ARMH4: variants seen among roughly 807,000 people sequenced by gnomAD.
ARMH4 encodes the protein armadillo like helical domain containing 4.
ARMH4 carries 49 observed loss-of-function variants against 61.9 expected under a neutral mutation model. The ratio of observed to expected loss-of-function variants is 0.79; its 90% CI spans 0.63 to 1.00. The LOEUF is 1.00. ARMH4 is among the 50% of genes least tolerant of loss of function. The pLI is 0.00. For synonymous variants in ARMH4, 368 were observed against 341.5 expected, an observed-to-expected ratio of 1.08 and a Z score of -0.85; for missense variants, 934 against 930.0, an observed-to-expected ratio of 1.00 and a Z score of -0.06.
At chr14:58,107,187 C>A (rs1886190403) in intron 4 of ARMH4, among the ~76,000 whole-genome samples, 2 of 152,166 alleles carry the variant, frequency 1.3e-5, no homozygotes, top group Non-Finnish European at 2.9e-5. Context: ...CACTTCCAGG[C>A]TGTTACTAAT....
intron 6 of ARMH4, among the ~76,000 whole-genome samples, chr14:58,010,669 T>C (rs906805489): frequency 2.6e-5 from 4 of 152,032 alleles, no homozygotes; most frequent in Non-Finnish European, 4.4e-5. Flanking sequence ...ACCAAGATTT[T>C]GAGACAAGAT....
At chr14:58,029,315 C>A (rs1337742360) in intron 5 of ARMH4, among the ~76,000 whole-genome samples, 1 of 151,054 alleles carries the variant, frequency 6.6e-6, no homozygotes. Flanking sequence ...CTCACCACAA[C>A]CTCCGCCCCC....
In ARMH4 at chr14:58,139,080, G is replaced by T; in HGVS notation, c.279C>A (p.Asn93Lys). 6.2e-7 allele frequency: 1 copy of T among 1,614,208 alleles called. No homozygotes were observed. Among genetic ancestry groups the T allele is most frequent in the South Asian group, 1.1e-5 (1 of 91,088 alleles). Reference sequence around the variant, plus strand: ...CAGCTTGTCCAGGCTGGGTTTCTTTGTTAATCGAGAATGCTTTATTTAATG... The same window carrying T: ...CAGCTTGTCCAGGCTGGGTTTCTTTTTTAATCGAGAATGCTTTATTTAATG... ...ATSLNKAFSI[N>K]KETQPGQAGL... Residue 93 changes from asparagine to lysine, a missense_variant, in exon 2 of 8, where the codon AAC becomes AAA. Physicochemically the swap from Asn to Lys is moderately conservative, Grantham distance 94 (BLOSUM62 0). Transcript: ENST00000267485.
intron 5 of ARMH4, among the ~76,000 whole-genome samples, chr14:58,042,829 A>C (rs1883775771): frequency 6.6e-6 from 1 of 152,236 alleles, no homozygotes; most frequent in Admixed American, 6.5e-5. Context: ...CTACACAAAT[A>C]AACTAGAAAA....
At chr14:58,092,864 G>A (rs1309576918) in intron 5 of ARMH4, among the ~76,000 whole-genome samples, 6 of 150,190 alleles carry the variant, frequency 4.0e-5, no homozygotes, top group African/African-American at 1.5e-4. Flanking sequence ...CACCCAGGCT[G>A]GAATACAGTG....
chr14:58,023,792 A>G (rs1256529214), intron 5 of ARMH4, among the ~76,000 whole-genome samples: 1 of 152,242 alleles, frequency 6.6e-6, no homozygotes, highest in Non-Finnish European at 1.5e-5. Flanking sequence ...TGCAGAATGG[A>G]CATTGTATTA....
chr14:58,127,344 A>T (rs961989958), intron 4 of ARMH4, among the ~76,000 whole-genome samples: 2 of 152,126 alleles, frequency 1.3e-5, no homozygotes, highest in African/African-American at 4.8e-5. Flanking sequence ...ACAGTGAATA[A>T]GTCTCAAGAG....
At chr14:58,032,810 G>C (rs998466473) in intron 5 of ARMH4, among the ~76,000 whole-genome samples, 2 of 152,258 alleles carry the variant, frequency 1.3e-5, no homozygotes, top group African/African-American at 4.8e-5. Context: ...TGGAAAATCA[G>C]GTCACTCCCA....
chr14:58,094,344 A>AAAAAAAG (rs1885677610), intron 5 of ARMH4, among the ~76,000 whole-genome samples: 1 of 151,528 alleles, frequency 6.6e-6, no homozygotes, highest in Non-Finnish European at 1.5e-5. Flanking sequence ...AAAAAAAAAA[A>AAAAAAAG]GAACTTTAGC....
At chr14:58,049,261 T>C (rs1312943436) in intron 5 of ARMH4, among the ~76,000 whole-genome samples, 1 of 140,312 alleles carries the variant, frequency 7.1e-6, no homozygotes, top group Non-Finnish European at 1.6e-5. Flanking sequence ...AAAAGAAAAA[T>C]CAAAGAAAAA....
At position 58,139,204 on chromosome 14, in the gene ARMH4, G is replaced by T; in HGVS notation, c.155C>A (p.Thr52Asn). 6.2e-7 allele frequency: 1 copy of T among 1,614,220 alleles called. No individual in the cohort carries two copies. Among genetic ancestry groups the T allele is most frequent in the Non-Finnish European group, 8.5e-7 (1 of 1,180,042 alleles). ...AEKGQSDKMN[T>N]DDLENSSVTS... is the part of the protein sequence containing the mutation. ...AACAGAGCTATTTTCTAGGTCATCG[G>T]TGTTCATCTTATCGGACTGCCCTTT... Residue 52 changes from threonine to asparagine, a missense_variant, in exon 2 of 8, where the codon ACC becomes AAC. Coordinates refer to ENST00000267485, the MANE Select transcript of ARMH4 (RefSeq NM_001001872.4).
chr14:58,136,890 C>A (rs1449968036), intron 2 of ARMH4, among the ~76,000 whole-genome samples: 7 of 152,124 alleles, frequency 4.6e-5, no homozygotes, highest in Non-Finnish European at 1.0e-4. Context: ...CACCCTACCC[C>A]CTTCCTTATT....
intron 4 of ARMH4, among the ~76,000 whole-genome samples, chr14:58,104,165 C>G (rs950229114): frequency 1.3e-5 from 2 of 152,142 alleles, no homozygotes; most frequent in African/African-American, 4.8e-5. Context: ...TCTCTCTGCC[C>G]TGAAATGTCC....
chr14:58,096,893 T>G lies in ARMH4; in HGVS notation c.1920A>C (p.Ala640=). Reference sequence around the variant, plus strand: ...CATCCAAGCCCTCATCCAGCGAGTCTGCATCTTTATCTTCCTCATCTTCTT... The same window carrying G: ...CATCCAAGCCCTCATCCAGCGAGTCGGCATCTTTATCTTCCTCATCTTCTT... The part of the protein sequence containing the change: ...DEEEDEEDKD[A]DSLDEGLDGD... The change falls in exon 5 of 8, where the codon GCA becomes GCC. Residue 640 remains alanine (A), a synonymous_variant. Coordinates refer to ENST00000267485, the MANE Select transcript of ARMH4 (RefSeq NM_001001872.4). 1 of 1,614,186 alleles carries G rather than the reference T, an allele frequency of 6.2e-7. No homozygotes were observed. The highest frequency in any genetic ancestry group is 8.5e-7 in the Non-Finnish European group (1 of 1,180,028).
At chr14:58,087,999 A>T (rs1885434751) in intron 5 of ARMH4, among the ~76,000 whole-genome samples, 1 of 152,204 alleles carries the variant, frequency 6.6e-6, no homozygotes, top group South Asian at 2.1e-4. Context: ...CTGTGTTTGT[A>T]GTTCACAGTG....
chr14:58,062,829 T>C (rs960713284), intron 5 of ARMH4, among the ~76,000 whole-genome samples: 1 of 152,212 alleles, frequency 6.6e-6, no homozygotes, highest in African/African-American at 2.4e-5. Context: ...GGGAGGTTAC[T>C]GAAGACCTCA....
At chr14:58,061,893 C>T (rs1184324734) in intron 5 of ARMH4, among the ~76,000 whole-genome samples, 1 of 152,028 alleles carries the variant, frequency 6.6e-6, no homozygotes, top group African/African-American at 2.4e-5. Flanking sequence ...AGTCAGAATC[C>T]AGCTTGCACT....
intron 5 of ARMH4, among the ~76,000 whole-genome samples, chr14:58,086,951 G>T (rs1488111394): frequency 6.6e-6 from 1 of 152,092 alleles, no homozygotes; most frequent in Non-Finnish European, 1.5e-5. Context: ...ATGTTCTGGT[G>T]ATAGAGGTCT....
rs1454341319 is a variant in ARMH4 at position 58,036,954 on chromosome 14, T to G, written c.2090-24804A>C. 2.5e-5 allele frequency among the ~76,000 whole-genome samples: 3 copies of G among 119,544 alleles called. 1 individual carries two copies. Among genetic ancestry groups the G allele is most frequent in the African/African-American group, 9.1e-5 (3 of 33,102 alleles). The allele number at this position is 119,544 out of a possible 152,430, so 78.4% of individuals were successfully genotyped here. On this transcript the variant is annotated intron_variant, in intron 5 of 7. Transcript: ENST00000267485. ...TGCTCATGGGTAGGAAGAATCAATA[T>G]CGTGAAAACGGCCATACTGCCCAAG...
Sources: allele counts gnomAD v4.1 joint callset (sites outside exome capture counted in the v4.1 genomes callset), GRCh38; gene constraint gnomAD v4.1.1; transcripts MANE v1.5; gene names NCBI Gene and HGNC (gene_info 2026-07-23, HGNC 2026-07-21).